Variants in POLQ observed in about 807,000 individuals in gnomAD.
POLQ encodes the protein DNA polymerase theta, also known as epididymis secretory sperm binding protein.
Under a neutral mutation model 259.2 loss-of-function variants are expected in POLQ, and 233 were observed. That is an observed-to-expected ratio of 0.90 (90% CI 0.81 to 1.00). The LOEUF (loss-of-function observed/expected upper bound fraction) is 1.00, where lower values mean the gene tolerates loss of function less well. POLQ is among the 50% of genes least tolerant of loss of function. The probability of loss-of-function intolerance (pLI) is 0.00; values close to 1 mark genes in which losing one functional copy is unlikely to be tolerated. For synonymous variants in POLQ, 1,025 were observed against 1,048.8 expected, an observed-to-expected ratio of 0.98 and a Z score of 0.44; for missense variants, 2,871 against 3,051.6, an observed-to-expected ratio of 0.94 and a Z score of 1.39.
intron 24 of POLQ, among the ~76,000 whole-genome samples, chr3:121,465,385 C>T (rs1227175396): frequency 6.6e-6 from 1 of 152,154 alleles, no homozygotes; most frequent in Non-Finnish European, 1.5e-5. Context: ...AGCCACCATG[C>T]CTTGTGAGAA....
chr3:121,456,941 A>G (rs1446738567), intron 25 of POLQ, among the ~76,000 whole-genome samples: 1 of 152,130 alleles, frequency 6.6e-6, no homozygotes, highest in East Asian at 1.9e-4. Flanking sequence ...TCCTAAGCAA[A>G]AAGAACAAAG....
intron 17 of POLQ, 126 bp from the exon 18 acceptor site, chr3:121,483,708 T>A (rs1373577526): frequency 1.6e-6 from 1 of 606,142 alleles, no homozygotes. Context: ...TGGTTCCATG[T>A]GACGAGTAAT....
chr3:121,513,124 A>C (rs1191615549), intron 9 of POLQ, among the ~76,000 whole-genome samples: 2 of 152,056 alleles, frequency 1.3e-5, no homozygotes, highest in African/African-American at 2.4e-5. Flanking sequence ...AATGAAGAAT[A>C]CTTTTTTTTT....
At chr3:121,509,136 C>T (rs1042810860) in intron 12 of POLQ, among the ~76,000 whole-genome samples, 2 of 152,046 alleles carry the variant, frequency 1.3e-5, no homozygotes, top group African/African-American at 4.8e-5. Context: ...TCAAGCTTTC[C>T]TCTTTCTTTT....
chr3:121,488,036 G>C lies in POLQ; in HGVS notation c.4895C>G (p.Ser1632Ter), dbSNP rs1339891425. ...TGGACTTAGATCAAATGATGCCCCT[G>C]ACCATATGAATGAATGATTTTGCCT... ...GTRQNHSFIW[S>*]GASFDLSPGL... The change falls in exon 16 of 30, where the codon TCA becomes TGA. Residue 1632 changes from serine to a stop codon, truncating the protein, a stop_gained. Transcript: ENST00000264233. LOFTEE classifies it high-confidence loss of function. The C allele has an allele frequency of 6.2e-7, 1 of 1,613,762 alleles. No homozygotes were observed. Among genetic ancestry groups the C allele is most frequent in the Non-Finnish European group, 8.5e-7 (1 of 1,179,744 alleles).
At chr3:121,500,734 G>C (rs554579821) in intron 12 of POLQ, among the ~76,000 whole-genome samples, 1 of 152,010 alleles carries the variant, frequency 6.6e-6, no homozygotes. Context: ...TGAACTCCAA[G>C]CAGGATACAT....
At chr3:121,478,278 C>T (rs147020905) in intron 19 of POLQ, among the ~76,000 whole-genome samples, 5 of 152,172 alleles carry the variant, frequency 3.3e-5, no homozygotes, top group African/African-American at 9.6e-5. Flanking sequence ...ATTTCCCCCA[C>T]GTAAGTCCTG....
Position 121,488,653 on chromosome 3 carries a change from A to G in POLQ, c.4278T>C (p.Asn1426=), listed in dbSNP as rs570467792. 3 of 1,603,466 alleles carry G rather than the reference A, an allele frequency of 1.9e-6. No homozygotes were observed. The East Asian group carries it at 6.7e-5, about 36-fold the overall frequency. Residue 1426 remains asparagine, a synonymous_variant, in exon 16 of 30, where the codon AAT becomes AAC. Transcript: ENST00000264233. ...IFHSPILLEE[N]GLFLKKNEVS... is the part of the protein sequence containing the mutation. Reference sequence around the variant, plus strand: ...CTTCATTCTTTTTTAAAAAAAGACCATTTTCCTCCAATAGTATTGGAGAAT... The same window carrying G: ...CTTCATTCTTTTTTAAAAAAAGACCGTTTTCCTCCAATAGTATTGGAGAAT...
In POLQ at chr3:121,468,402, G is replaced by C. The variant is rs753463922; in HGVS notation, c.6748C>G (p.Gln2250Glu). ...ATTTCAAAATCTCTTGGCACATTCT[G>C]AATATTTGGTTCTGTAAAGGTTATT... is the stretch of plus-strand genomic sequence containing the variant. ...GRITFTEPNI[Q>E]NVPRDFEIKM... Residue 2250 changes from glutamine (Q) to glutamate (E), a missense_variant, in exon 23 of 30, where the codon CAG becomes GAG. Transcript: ENST00000264233. The C allele has an allele frequency of 6.2e-7, 1 of 1,610,740 alleles. No individual in the cohort carries two copies. The highest frequency in any genetic ancestry group is 1.1e-5 in the South Asian group (1 of 90,958).
intron 17 of POLQ, among the ~76,000 whole-genome samples, chr3:121,483,866 A>G (rs2047989839): frequency 6.6e-6 from 1 of 152,120 alleles, no homozygotes; most frequent in South Asian, 2.1e-4. Flanking sequence ...ACAAAATTAC[A>G]TTTCCCAAAA....
chr3:121,434,425 T>C (rs1419671023), intron 28 of POLQ, among the ~76,000 whole-genome samples: 2 of 152,240 alleles, frequency 1.3e-5, no homozygotes, highest in African/African-American at 2.4e-5. Flanking sequence ...CTTTCTTAAA[T>C]AGAACTTAAA....
chr3:121,509,804 TAA>T, intron 11 of POLQ, 101 bp from the exon 12 acceptor site: 1 of 1,205,630 alleles, frequency 8.3e-7, no homozygotes, highest in South Asian at 1.5e-5. Flanking sequence ...TCCCGGCTGA[TAA>T]ATTTTACAAA....
intron 23 of POLQ, among the ~76,000 whole-genome samples, chr3:121,468,001 C>A (rs1327111937): frequency 6.6e-6 from 1 of 152,108 alleles, no homozygotes; most frequent in Non-Finnish European, 1.5e-5. Context: ...CCACTGCACT[C>A]CAGCCTGGGC....
chr3:121,458,742 T>A (rs984922857), intron 25 of POLQ, among the ~76,000 whole-genome samples: 2 of 152,150 alleles, frequency 1.3e-5, no homozygotes, highest in African/African-American at 4.8e-5. Flanking sequence ...CCATGCTTGA[T>A]GAGCCAGTCA....
At chr3:121,490,573 A>G (rs2048060141) in intron 15 of POLQ, 165 bp from the exon 16 acceptor site, 2 of 629,390 alleles carry the variant, frequency 3.2e-6, no homozygotes, top group Non-Finnish European at 5.5e-6. Context: ...GGAATTCAGA[A>G]AATAAACAAA....
Position 121,483,586 on chromosome 3 carries a change from T to TAAAAA in POLQ, c.5774-9_5774-5dup. The TAAAAA allele has an allele frequency of 1.6e-6, 2 of 1,277,398 alleles. No individual in the cohort carries two copies. Among genetic ancestry groups the TAAAAA allele is most frequent in the Non-Finnish European group, 2.1e-6 (2 of 969,088 alleles). 79.1% of individuals were successfully genotyped at this position (1,277,398 alleles called of 1,614,324 possible). On this transcript the variant is annotated splice_region_variant and splice_polypyrimidine_tract_variant and intron_variant, in intron 17 of 29. Coordinates refer to ENST00000264233, the MANE Select transcript of POLQ (RefSeq NM_199420.4). ...GGAACCAAACTGGCACTAATTTCTTTAAAAAAAAAAAAAAAAAGGAAAAAA... is the reference window on the plus strand; with the variant it reads ...GGAACCAAACTGGCACTAATTTCTTTAAAAAAAAAAAAAAAAAAAAAAGGAAAAAA...
intron 25 of POLQ, among the ~76,000 whole-genome samples, chr3:121,454,791 T>TA (rs1360002288): frequency 6.6e-6 from 1 of 152,194 alleles, no homozygotes; most frequent in Admixed American, 6.5e-5. Flanking sequence ...TGGGAGACTT[T>TA]AACACCCCAC....
At position 121,488,253 on chromosome 3, in the gene POLQ, C is replaced by G; in HGVS notation, c.4678G>C (p.Glu1560Gln). Residue 1560 changes from glutamate (E) to glutamine (Q), a missense_variant, in exon 16 of 30, where the codon GAA becomes CAA. Around this residue, in one of 3 missense-constraint regions of POLQ, gnomAD observed 2,080 missense variants for 2,126.0 expected, o/e 0.98. Coordinates refer to ENST00000264233, the MANE Select transcript of POLQ (RefSeq NM_199420.4). ...TCAACCATCTGAACAGAATCCATTTCTGAAAATATAATAGATTCATCATTG... is the reference window on the plus strand; with the variant it reads ...TCAACCATCTGAACAGAATCCATTTGTGAAAATATAATAGATTCATCATTG... The part of the protein sequence containing the change: ...CSNDESIIFS[E>Q]MDSVQMVEAL... The G allele has an allele frequency of 6.2e-7, 1 of 1,612,822 alleles. No individual in the cohort carries two copies. The highest frequency in any genetic ancestry group is 8.5e-7 in the Non-Finnish European group (1 of 1,179,368).
Position 121,489,636 on chromosome 3 carries a change from T to C in POLQ, c.3295A>G (p.Lys1099Glu), listed in dbSNP as rs754474869. The C allele has an allele frequency of 1.2e-6, 2 of 1,614,058 alleles. No individual in the cohort carries two copies. Among genetic ancestry groups the C allele is most frequent in the South Asian group, 1.1e-5 (1 of 91,034 alleles). The change falls in exon 16 of 30, where the codon AAA becomes GAA. Residue 1099 changes from lysine (K) to glutamate (E), a missense_variant. Lys to Glu is a moderately conservative substitution (Grantham distance 56). Around this residue, in one of 3 missense-constraint regions of POLQ, gnomAD observed 2,080 missense variants for 2,126.0 expected, o/e 0.98. Coordinates refer to ENST00000264233, the MANE Select transcript of POLQ (RefSeq NM_199420.4). ...TCCTTACCACTCAAAGATACATTTT[T>C]AGCAAATGGCCCTGAATTTCTAAAT... ...TEFRNSGPFA[K>E]NVSLSGKEKD...
Sources: allele counts gnomAD v4.1 joint callset (sites outside exome capture counted in the v4.1 genomes callset), GRCh38; gene constraint gnomAD v4.1.1; regional missense constraint gnomAD v4.1.1; transcripts MANE v1.5; gene names NCBI Gene and HGNC (gene_info 2026-07-23, HGNC 2026-07-21).